The following PACRG variants were observed in gnomAD, a reference collection of about 807,000 sequenced individuals.
The protein encoded by PACRG is parkin coregulated.
PACRG carries 29 observed loss-of-function variants against 29.7 expected under a neutral mutation model. The ratio of observed to expected loss-of-function variants is 0.98; its 90% CI spans 0.73 to 1.33. The LOEUF (loss-of-function observed/expected upper bound fraction) is 1.33. Ranked by LOEUF, PACRG falls within the 40% of genes most tolerant of loss-of-function variation. PACRG has a pLI of 0.00. For missense variants in PACRG, 279 were observed against 316.2 expected (o/e 0.88, Z 0.89); for synonymous variants, 116 against 118.7 (o/e 0.98, Z 0.15).
intron 4 of PACRG, among the ~76,000 whole-genome samples, chr6:163,241,441 C>A (rs1055327706): frequency 6.6e-6 from 1 of 152,216 alleles, no homozygotes; most frequent in Non-Finnish European, 1.5e-5. Context: ...ATACGCAGCC[C>A]TTCCGTGATC....
intron 4 of PACRG, among the ~76,000 whole-genome samples, chr6:163,299,584 G>A (rs1487818501): frequency 2.0e-5 from 3 of 152,266 alleles, no homozygotes; most frequent in African/African-American, 7.2e-5. Context: ...AAAGGTGTCT[G>A]TAAAAACTAA....
chr6:163,156,687 G>A (rs1778333357), intron 4 of PACRG, among the ~76,000 whole-genome samples: 1 of 152,182 alleles, frequency 6.6e-6, no homozygotes, highest in Admixed American at 6.5e-5. Context: ...GTCCACATAG[G>A]TCATACAGGA....
At chr6:162,857,365 T>A (rs73603887) in intron 2 of PACRG, among the ~76,000 whole-genome samples, 1 of 152,248 alleles carries the variant, frequency 6.6e-6, no homozygotes, top group African/African-American at 2.4e-5. Context: ...GCAAATAGAA[T>A]CCAGATACCG....
intron 4 of PACRG, among the ~76,000 whole-genome samples, chr6:163,146,179 A>G (rs910640101): frequency 6.6e-6 from 1 of 152,154 alleles, no homozygotes; most frequent in Non-Finnish European, 1.5e-5. Context: ...TGCATGACAC[A>G]CATTTAATGA....
At chr6:162,730,459 A>G (rs1221131665) in intron 1 of PACRG, among the ~76,000 whole-genome samples, 6 of 152,176 alleles carry the variant, frequency 3.9e-5, no homozygotes, top group African/African-American at 1.2e-4. Context: ...ATAAGTCAAC[A>G]TTCCAATGCT....
chr6:163,196,187 C>A lies in PACRG; in HGVS notation c.613+106779C>A, dbSNP rs570424064. ...ATCATCTAGAGTTAGGGAAGTAGAA[C>A]CGTGCCCTGCACATGATAAGCACAT... On this transcript the variant is annotated intron_variant, in intron 4 of 4. Coordinates refer to ENST00000366888, the MANE Select transcript of PACRG (RefSeq NM_001080379.2). Among the ~76,000 whole-genome samples the A allele has an allele frequency of 5.7e-4, 87 of 152,352 alleles. No individual in the cohort carries two copies. The South Asian group carries it at 0.016, about 27-fold the overall frequency.
At chr6:163,187,318 C>T (rs1000887326) in intron 4 of PACRG, among the ~76,000 whole-genome samples, 2 of 152,166 alleles carry the variant, frequency 1.3e-5, no homozygotes, top group Non-Finnish European at 2.9e-5. Flanking sequence ...CCTCGCCCAC[C>T]CTACCCACGC....
intron 4 of PACRG, among the ~76,000 whole-genome samples, chr6:163,277,769 C>A (rs909096094): frequency 6.6e-5 from 10 of 151,424 alleles, no homozygotes; most frequent in African/African-American, 2.4e-4. Context: ...CATGTTTTTG[C>A]AATTGTAAAT....
At position 163,085,659 on chromosome 6, in the gene PACRG, C is replaced by A. The variant is rs56765014; in HGVS notation, c.464-3600C>A. On this transcript the variant is annotated intron_variant, in intron 3 of 4. Coordinates refer to ENST00000366888, the MANE Select transcript of PACRG (RefSeq NM_001080379.2). ...CTTACTGGGAAGCTAGTCCCTAGCG[C>A]GCTGCTTCCTCTCCTGGAAACTCTT... is the stretch of plus-strand genomic sequence containing the variant. Among the ~76,000 whole-genome samples, 539 of 152,306 alleles carry A rather than the reference C, an allele frequency of 3.5e-3. 12 individuals are homozygous for A. In the East Asian group the frequency reaches 0.065, roughly 18 times the overall value.
intron 2 of PACRG, among the ~76,000 whole-genome samples, chr6:163,022,512 G>A (rs1382957072): frequency 2.0e-5 from 3 of 152,188 alleles, no homozygotes; most frequent in Admixed American, 6.5e-5. Context: ...TGGTTCGTGA[G>A]GAACTGGAGT....
At chr6:162,830,725 A>G (rs1162680504) in intron 2 of PACRG, among the ~76,000 whole-genome samples, 2 of 152,228 alleles carry the variant, frequency 1.3e-5, no homozygotes, top group Non-Finnish European at 2.9e-5. Flanking sequence ...GACGTCTTAC[A>G]TTAAAACGAT....
intron 1 of PACRG, among the ~76,000 whole-genome samples, chr6:162,732,725 C>T (rs1232221343): frequency 6.6e-6 from 1 of 152,204 alleles, no homozygotes; most frequent in Admixed American, 6.5e-5. Flanking sequence ...TGTACAATAT[C>T]ATCCACCTAT....
At chr6:162,952,360 C>G (rs1207031467) in intron 2 of PACRG, among the ~76,000 whole-genome samples, 1 of 152,152 alleles carries the variant, frequency 6.6e-6, no homozygotes, top group Non-Finnish European at 1.5e-5. Flanking sequence ...ATATAGATTA[C>G]TAAATTTTCA....
intron 4 of PACRG, among the ~76,000 whole-genome samples, chr6:163,270,838 A>C (rs544088041): frequency 4.6e-5 from 7 of 152,316 alleles, no homozygotes; most frequent in African/African-American, 1.4e-4. Flanking sequence ...ATTTCCCTAC[A>C]TCTTCTCCAA....
At chr6:163,124,588 G>A (rs1438555704) in intron 4 of PACRG, among the ~76,000 whole-genome samples, 2 of 152,128 alleles carry the variant, frequency 1.3e-5, no homozygotes, top group Non-Finnish European at 2.9e-5. Context: ...AGGCTGAGGA[G>A]GTTAGGAAAG....
intron 4 of PACRG, among the ~76,000 whole-genome samples, chr6:163,150,676 C>T (rs955289194): frequency 6.6e-6 from 1 of 152,208 alleles, no homozygotes; most frequent in African/African-American, 2.4e-5. Flanking sequence ...TACCCGTACC[C>T]GGGTCATGAT....
chr6:162,731,324 C>T (rs183788733), intron 1 of PACRG, among the ~76,000 whole-genome samples: 4 of 151,960 alleles, frequency 2.6e-5, no homozygotes, highest in African/African-American at 9.7e-5. Context: ...GATTCTGCCT[C>T]CATGGATTCA....
At chr6:163,209,608 AT>A (rs1253635811) in intron 4 of PACRG, among the ~76,000 whole-genome samples, 1 of 152,218 alleles carries the variant, frequency 6.6e-6, no homozygotes, top group Non-Finnish European at 1.5e-5. Context: ...CTAAAGGAAT[AT>A]TATGACATTA....
At chr6:163,313,069 C>G (rs924876001) in intron 4 of PACRG, among the ~76,000 whole-genome samples, 4 of 151,800 alleles carry the variant, frequency 2.6e-5, no homozygotes, top group Middle Eastern at 3.2e-3. Context: ...CTCTCTCTCT[C>G]TCTCTCTGTT....
Sources: allele counts gnomAD v4.1 joint callset (sites outside exome capture counted in the v4.1 genomes callset), GRCh38; gene constraint gnomAD v4.1.1; transcripts MANE v1.5; gene names NCBI Gene and HGNC (gene_info 2026-07-23, HGNC 2026-07-21).